The following PDS5B variants were observed in gnomAD, a reference collection of about 807,000 sequenced individuals.
PDS5B encodes the protein sister chromatid cohesion protein PDS5 homolog B.
In PDS5B, 51 loss-of-function variants were observed where a neutral mutation model predicts 184.1. The observed-to-expected ratio is 0.28, with a 90% CI of 0.22 to 0.35. PDS5B has a LOEUF of 0.35. Among genes scored for constraint, PDS5B ranks in the 10% least tolerant of loss-of-function variants. PDS5B has a pLI of 1.00. For missense variants in PDS5B, 1,180 were observed against 1,723.3 expected, an observed-to-expected ratio of 0.68 and a Z score of 5.58; for synonymous variants, 566 against 569.2, an observed-to-expected ratio of 0.99 and a Z score of 0.08.
chr13:32,587,098 C>G lies in PDS5B; in HGVS notation c.-20+505C>G, dbSNP rs1179113597. Among the ~76,000 whole-genome samples, 3 of 148,118 alleles carry G rather than the reference C, an allele frequency of 2.0e-5. No individual in the cohort carries two copies. The East Asian group carries it at 6.0e-4, about 30-fold the overall frequency. On this transcript the variant is annotated intron_variant, in intron 1 of 34. Coordinates refer to ENST00000315596, the MANE Select transcript of PDS5B (RefSeq NM_015032.4). ...GCGCGGTGCTCCTGTTGAATCCTCC[C>G]GCGGGCGGGCTTCTCCCCCTTCCGG... is the stretch of plus-strand genomic sequence containing the variant.
Position 32,735,202 on chromosome 13 carries a change from C to T in PDS5B, c.2278C>T (p.Leu760=), listed in dbSNP as rs777243341. 5.3e-5 allele frequency: 85 copies of T among 1,607,382 alleles called. No homozygotes were observed. The highest frequency in any genetic ancestry group is 7.1e-5 in the Non-Finnish European group (84 of 1,176,746). The part of the protein sequence containing the change: ...PLHKSLDPSN[L]EHLITPLVTI... ...GCATAAGAGCCTAGATCCAAGCAAC[C>T]TGGAACATCTCATAACACCATTGGT... The change falls in exon 21 of 35, where the codon CTG becomes TTG. Residue 760 remains leucine (L), a synonymous_variant. Coordinates refer to ENST00000315596, the MANE Select transcript of PDS5B (RefSeq NM_015032.4).
chr13:32,608,866 C>A lies in PDS5B; in HGVS notation c.-20+22273C>A, dbSNP rs146687295. Among the ~76,000 whole-genome samples the A allele has an allele frequency of 4.6e-5, 7 of 152,290 alleles. No homozygotes were observed. The East Asian group carries it at 1.4e-3, about 29-fold the overall frequency. On this transcript the variant is annotated intron_variant, in intron 1 of 34. Transcript: ENST00000315596. ...AGGTGAACCAAAAGATCTATGACAACATGTGAGAAAGTGGCAATGCTTATC... is the reference window on the plus strand; with the variant it reads ...AGGTGAACCAAAAGATCTATGACAAAATGTGAGAAAGTGGCAATGCTTATC...
At chr13:32,701,255 T>C in intron 16 of PDS5B, 68 bp from the exon 17 acceptor site, 1 of 812,674 alleles carries the variant, frequency 1.2e-6, no homozygotes, top group East Asian at 2.6e-5. Context: ...TATTGTTGGT[T>C]CTTAATATTT....
At chr13:32,697,331 G>A (rs1347791428) in intron 15 of PDS5B, among the ~76,000 whole-genome samples, 2 of 152,178 alleles carry the variant, frequency 1.3e-5, no homozygotes, top group African/African-American at 4.8e-5. Context: ...TTTGTTCAGT[G>A]GAAAAGTAGG....
intron 1 of PDS5B, among the ~76,000 whole-genome samples, chr13:32,628,333 G>C (rs1852479840): frequency 6.6e-6 from 1 of 151,956 alleles, no homozygotes; most frequent in Non-Finnish European, 1.5e-5. Flanking sequence ...ATGGTGGGTG[G>C]ATCACTTGAG....
intron 10 of PDS5B, among the ~76,000 whole-genome samples, chr13:32,682,035 CACTT>C (rs1397403440): frequency 1.3e-5 from 2 of 152,168 alleles, no homozygotes; most frequent in African/African-American, 2.4e-5. Context: ...ACAAGTTTCT[CACTT>C]AATTATTCTC....
intron 8 of PDS5B, among the ~76,000 whole-genome samples, chr13:32,675,557 A>G (rs1951042465): frequency 6.6e-6 from 1 of 152,218 alleles, no homozygotes; most frequent in Non-Finnish European, 1.5e-5. Context: ...AACTCTGAAT[A>G]GAAATAAACT....
chr13:32,628,457 A>G (rs1249483432), intron 1 of PDS5B, among the ~76,000 whole-genome samples: 1 of 151,562 alleles, frequency 6.6e-6, no homozygotes, highest in African/African-American at 2.4e-5. Flanking sequence ...CTGAGGAAGG[A>G]GAATTGCTTG....
At chr13:32,704,981 A>G (rs531417757) in intron 17 of PDS5B, among the ~76,000 whole-genome samples, 1 of 152,272 alleles carries the variant, frequency 6.6e-6, no homozygotes, top group Non-Finnish European at 1.5e-5. Flanking sequence ...ATTTTAAAAT[A>G]GTTTTTCAGT....
chr13:32,604,648 G>C lies in PDS5B; in HGVS notation c.-20+18055G>C, dbSNP rs535128273. Reference sequence around the variant, plus strand: ...GATTGGAATAGTTTCAGAAGGAATGGTACCAGCTCCTCTTTGTACCTCTGG... The same window carrying C: ...GATTGGAATAGTTTCAGAAGGAATGCTACCAGCTCCTCTTTGTACCTCTGG... On this transcript the variant is annotated intron_variant, in intron 1 of 34. Coordinates refer to ENST00000315596, the MANE Select transcript of PDS5B (RefSeq NM_015032.4). 1.3e-4 allele frequency among the ~76,000 whole-genome samples: 20 copies of C among 152,314 alleles called. No homozygotes were observed. The South Asian group carries it at 4.1e-3, about 32-fold the overall frequency.
intron 1 of PDS5B, among the ~76,000 whole-genome samples, chr13:32,643,490 C>T (rs773812640): frequency 9.2e-5 from 14 of 152,124 alleles, no homozygotes; most frequent in Non-Finnish European, 1.9e-4. Context: ...ATTCTCTCTG[C>T]TCTTTCCTGT....
chr13:32,658,654 CTTTATT>C (rs1336491547), intron 5 of PDS5B, 123 bp downstream of exon 5: 7 of 551,770 alleles, frequency 1.3e-5, no homozygotes, highest in Admixed American at 7.1e-5. Flanking sequence ...TTTTAACACA[CTTTATT>C]TTTATACATG....
intron 1 of PDS5B, among the ~76,000 whole-genome samples, chr13:32,635,588 C>T (rs1294946857): frequency 1.4e-5 from 2 of 138,498 alleles, no homozygotes; most frequent in Non-Finnish European, 3.1e-5. Context: ...ATGATCTGGC[C>T]GCCTCAACCT....
At chr13:32,708,456 A>G (rs1952097025) in intron 18 of PDS5B, among the ~76,000 whole-genome samples, 1 of 152,168 alleles carries the variant, frequency 6.6e-6, no homozygotes, top group Non-Finnish European at 1.5e-5. Flanking sequence ...TCTTGGTAAT[A>G]TCTTATTTTT....
rs1024111945 is a variant in PDS5B at position 32,770,451 on chromosome 13, T to A, written c.3955T>A (p.Ser1319Thr). The A allele has an allele frequency of 3.7e-6, 6 of 1,610,116 alleles. No homozygotes were observed. In the Admixed American group the frequency reaches 1.0e-4, roughly 27 times the overall value. ...TTCTAAAAAAGGAAGCAAAAAAAAA[T>A]CTGGACCTCCAGCACCAGAGGAGGA... ...KTSKKGSKKK[S>T]GPPAPEEEEE... The change falls in exon 32 of 35, where the codon TCT becomes ACT. Residue 1319 changes from serine (S) to threonine (T), a missense_variant. By Grantham distance (58) the Ser-to-Thr change is moderately conservative. This residue lies in a region of PDS5B where 465 missense variants were observed against 497.8 expected (regional missense o/e 0.93). Transcript: ENST00000315596.
chr13:32,723,161 C>T (rs959741491), intron 19 of PDS5B, among the ~76,000 whole-genome samples: 9 of 151,990 alleles, frequency 5.9e-5, no homozygotes, highest in African/African-American at 2.2e-4. Context: ...AAGAATAGTG[C>T]TTAGCAATAT....
Position 32,741,069 on chromosome 13 carries a change from T to C in PDS5B, c.2407-11T>C. ...GTCCCTGGTTTTTTTTTTTTTCTCG[T>C]TTATTTTTAGCTTCCAGGGAAAAAG... On this transcript the variant is annotated splice_polypyrimidine_tract_variant and intron_variant, in intron 21 of 34. Transcript: ENST00000315596. 7.4e-7 allele frequency: 1 copy of C among 1,344,952 alleles called. No homozygotes were observed. Among genetic ancestry groups the C allele is most frequent in the Non-Finnish European group, 1.0e-6 (1 of 957,580 alleles). The allele number at this position is 1,344,952 out of a possible 1,614,324, so 83.3% of individuals were successfully genotyped here.
intron 1 of PDS5B, among the ~76,000 whole-genome samples, chr13:32,619,080 G>T (rs948774951): frequency 6.6e-6 from 1 of 152,114 alleles, no homozygotes; most frequent in East Asian, 1.9e-4. Flanking sequence ...GTCTGGCAGG[G>T]CAAATACCCC....
At chr13:32,683,292 A>G (rs1951297719) in intron 10 of PDS5B, among the ~76,000 whole-genome samples, 1 of 149,658 alleles carries the variant, frequency 6.7e-6, no homozygotes, top group Non-Finnish European at 1.5e-5. Flanking sequence ...TACAGGTGTG[A>G]GCTACCACGC....
Sources: gnomAD v4.1 joint callset for allele counts (sites outside exome capture counted in the v4.1 genomes callset) on GRCh38, gnomAD v4.1.1 for gene constraint, gnomAD v4.1.1 regional missense constraint, MANE v1.5 for transcripts, NCBI Gene and HGNC (gene_info 2026-07-23, HGNC 2026-07-21) for gene names.